The following UFL1 variants were observed in gnomAD, a reference collection of about 807,000 sequenced individuals.
UFL1 encodes UFM1 specific ligase 1.
UFL1 carries 78 observed loss-of-function variants against 99.3 expected under a neutral mutation model. That is an observed-to-expected ratio of 0.79 (90% CI 0.65 to 0.95). The LOEUF (loss-of-function observed/expected upper bound fraction) is 0.95. Among genes scored for constraint, UFL1 ranks in the 40% least tolerant of loss-of-function variants. UFL1 has a pLI of 0.00. For missense variants in UFL1, 936 were observed against 937.0 expected, an observed-to-expected ratio of 1.00 and a Z score of 0.01; for synonymous variants, 335 against 322.2, an observed-to-expected ratio of 1.04 and a Z score of -0.42.
chr6:96,523,078 T>C, intron 1 of UFL1, 68 bp from the exon 2 acceptor site: 9 of 1,439,610 alleles, frequency 6.3e-6, no homozygotes, highest in Non-Finnish European at 8.3e-6. Context: ...TTTCATACAT[T>C]GTATTAATTT....
At chr6:96,540,939 T>TTTTTGTTTTG (rs1027891163) in intron 11 of UFL1, among the ~76,000 whole-genome samples, 2 of 151,366 alleles carry the variant, frequency 1.3e-5, no homozygotes, top group African/African-American at 4.8e-5. Flanking sequence ...CAGTAGCCCT[T>TTTTTGTTTTG]TTTTGTTTTG....
chr6:96,540,426 T>A (rs1769914455), intron 10 of UFL1, 109 bp from the exon 11 acceptor site: 6 of 1,365,672 alleles, frequency 4.4e-6, no homozygotes, highest in East Asian at 2.5e-5. Flanking sequence ...AGCTCTATAG[T>A]TCTAAGCAAC....
chr6:96,523,375 GC>G, intron 2 of UFL1, 84 bp downstream of exon 2: 1 of 1,315,368 alleles, frequency 7.6e-7, no homozygotes, highest in Non-Finnish European at 1.0e-6. Flanking sequence ...ACATGTAATT[GC>G]ATACTAAATT....
intron 2 of UFL1, among the ~76,000 whole-genome samples, chr6:96,523,670 G>T (rs146765844): frequency 6.6e-6 from 1 of 152,224 alleles, no homozygotes; most frequent in East Asian, 1.9e-4. Flanking sequence ...TGAAAATCAA[G>T]GCTGTATTTC....
intron 5 of UFL1, among the ~76,000 whole-genome samples, chr6:96,527,022 G>A (rs1486038778): frequency 1.3e-5 from 2 of 152,050 alleles, no homozygotes; most frequent in East Asian, 1.9e-4. Flanking sequence ...GAAGAACCAA[G>A]GAATCTGACA....
chr6:96,537,324 G>T, intron 8 of UFL1, 50 bp from the exon 9 acceptor site: 1 of 1,464,984 alleles, frequency 6.8e-7, no homozygotes, highest in South Asian at 1.4e-5. Context: ...TTTCACTTTT[G>T]TCTTACATGT....
intron 9 of UFL1, 93 bp from the exon 10 acceptor site, chr6:96,538,538 G>C: frequency 8.5e-7 from 1 of 1,173,206 alleles, no homozygotes; most frequent in Non-Finnish European, 1.2e-6. Context: ...GACTTAATGA[G>C]ATCATCTAGA....
At chr6:96,541,656 A>G (rs1031395294) in intron 11 of UFL1, among the ~76,000 whole-genome samples, 1 of 151,340 alleles carries the variant, frequency 6.6e-6, no homozygotes, top group African/African-American at 2.4e-5. Flanking sequence ...TGGATATTTT[A>G]TCATATATTT....
At chr6:96,526,545 T>G in intron 5 of UFL1, 110 bp downstream of exon 5, 2 of 840,994 alleles carry the variant, frequency 2.4e-6, no homozygotes. Context: ...TCATTTGATT[T>G]ATTGCAGGTG....
chr6:96,524,408 C>T lies in UFL1; in HGVS notation c.250C>T (p.Gln84Ter), dbSNP rs763202582. 2 of 1,577,598 alleles carry T rather than the reference C, an allele frequency of 1.3e-6. No individual in the cohort carries two copies. Among genetic ancestry groups the T allele is most frequent in the Admixed American group, 1.9e-5 (1 of 51,818 alleles). Residue 84 changes from glutamine (Q) to a stop codon, truncating the protein, a stop_gained and splice_region_variant, in exon 3 of 19, where the codon CAG (glutamine) becomes TAG (stop). Transcript: ENST00000369278. LOFTEE classifies it high-confidence loss of function. Reference sequence around the variant, plus strand: ...TCGAGTAAACATTGTTGATCTACAACAGGTAGGTTTTAAATTTATAAAATT... The same window carrying T: ...TCGAGTAAACATTGTTGATCTACAATAGGTAGGTTTTAAATTTATAAAATT... The part of the protein sequence containing the change: ...GGRVNIVDLQ[Q>*]VINVDLIHIE...
At chr6:96,539,416 AC>A in intron 10 of UFL1, among the ~76,000 whole-genome samples, 1 of 151,734 alleles carries the variant, frequency 6.6e-6, no homozygotes, top group East Asian at 1.9e-4. Context: ...TTTATTTTAA[AC>A]TGTTAATAAA....
chr6:96,545,312 CT>C (rs1443818252), intron 12 of UFL1, among the ~76,000 whole-genome samples: 1 of 150,864 alleles, frequency 6.6e-6, no homozygotes, highest in Admixed American at 6.6e-5. Flanking sequence ...ATATTGTTAG[CT>C]TTTTTTGTCT....
intron 12 of UFL1, among the ~76,000 whole-genome samples, chr6:96,543,868 ACAC>A (rs1315801888): frequency 6.6e-6 from 1 of 151,108 alleles, no homozygotes; most frequent in African/African-American, 2.4e-5. Context: ...CAGAAATAAA[ACAC>A]TTTCATTCTC....
intron 12 of UFL1, among the ~76,000 whole-genome samples, chr6:96,543,297 A>G (rs1288709611): frequency 6.6e-6 from 1 of 151,212 alleles, no homozygotes; most frequent in Non-Finnish European, 1.5e-5. Context: ...TAACAGATGC[A>G]TATCATGATC....
At chr6:96,526,294 CTAT>C in intron 4 of UFL1, 24 bp from the exon 5 acceptor site, 1 of 1,544,370 alleles carries the variant, frequency 6.5e-7, no homozygotes. Flanking sequence ...ATTCTTTTTT[CTAT>C]TATTTTCTTG....
At chr6:96,544,069 T>C (rs1769967064) in intron 12 of UFL1, among the ~76,000 whole-genome samples, 1 of 151,132 alleles carries the variant, frequency 6.6e-6, no homozygotes, top group East Asian at 1.9e-4. Flanking sequence ...CACCTTACCA[T>C]GATCATTTTT....
intron 11 of UFL1, among the ~76,000 whole-genome samples, chr6:96,540,930 A>G (rs1702751060): frequency 6.6e-6 from 1 of 151,362 alleles, no homozygotes; most frequent in South Asian, 2.1e-4. Flanking sequence ...GTTCCAGCCC[A>G]GTAGCCCTTT....
Position 96,524,404 on chromosome 6 carries a change from A to G in UFL1, c.246A>G (p.Leu82=). Residue 82 remains leucine, a synonymous_variant, in exon 3 of 19, where the codon CTA becomes CTG. Transcript: ENST00000369278. The part of the protein sequence containing the change: ...VRGGRVNIVD[L]QQVINVDLIH... ...AAGGTCGAGTAAACATTGTTGATCT[A>G]CAACAGGTAGGTTTTAAATTTATAA... 3 of 1,582,884 alleles carry G rather than the reference A, an allele frequency of 1.9e-6. No homozygotes were observed. Among genetic ancestry groups the G allele is most frequent in the Admixed American group, 3.7e-5 (2 of 53,450 alleles).
Position 96,552,663 on chromosome 6 carries a change from G to T in UFL1, c.2166+1G>T, listed in dbSNP as rs755756008. ...TTTTCTTAATAGTAAAATTCCAGAG[G>T]TATTACATTTTCAATACACTTGAAA... On this transcript the variant is annotated splice_donor_variant, in intron 18 of 18. Transcript: ENST00000369278. LOFTEE classifies it high-confidence loss of function. 9 of 1,587,784 alleles carry T rather than the reference G, an allele frequency of 5.7e-6. No homozygotes were observed. The South Asian group carries it at 9.3e-5, about 16-fold the overall frequency.
Sources: allele counts gnomAD v4.1 joint callset (sites outside exome capture counted in the v4.1 genomes callset), GRCh38; gene constraint gnomAD v4.1.1; transcripts MANE v1.5; gene names NCBI Gene and HGNC (gene_info 2026-07-23, HGNC 2026-07-21).